The following NSG1 variants were observed in gnomAD, a reference collection of about 807,000 sequenced individuals.
The protein encoded by NSG1 is neuronal vesicle trafficking-associated protein 1.
A neutral mutation model predicts 19.3 loss-of-function variants in NSG1; 9 were observed. The observed-to-expected ratio is 0.47, with a 90% confidence interval of 0.28 to 0.81. NSG1 has a LOEUF of 0.81. Among genes scored for constraint, NSG1 ranks in the 40% least tolerant of loss-of-function variants. The probability of loss-of-function intolerance (pLI) is 0.11; values close to 1 mark genes in which losing one functional copy is unlikely to be tolerated. For missense variants in NSG1, 236 were observed against 242.4 expected, an observed-to-expected ratio of 0.97 and a Z score of 0.18; for synonymous variants, 104 against 107.0, an observed-to-expected ratio of 0.97 and a Z score of 0.17.
chr4:4,414,453 C>G (rs1300384364), intron 4 of NSG1, among the ~76,000 whole-genome samples: 2 of 151,958 alleles, frequency 1.3e-5, no homozygotes, highest in Non-Finnish European at 2.9e-5. Flanking sequence ...GAGAAGGCAC[C>G]TAGGAAGGCC....
rs377073446 is a variant in NSG1, at chr4:4,410,237, G to T, written c.357+554G>T. Among the ~76,000 whole-genome samples, 21 of 152,314 alleles carry T rather than the reference G, an allele frequency of 1.4e-4. No individual in the cohort carries two copies. The East Asian group carries it at 2.7e-3, about 20-fold the overall frequency. ...CCACACTGGTGCTGGGCTCTCTACAGGCATGGAAATGCTCGCTTTGCATAT... is the reference window on the plus strand; with the variant it reads ...CCACACTGGTGCTGGGCTCTCTACATGCATGGAAATGCTCGCTTTGCATAT... On this transcript the variant is annotated intron_variant, in intron 4 of 4. Transcript: ENST00000621129.
In NSG1 at chr4:4,399,644, T is replaced by G. The variant is rs140822478; in HGVS notation, c.246+8053T>G. 1.1e-3 allele frequency among the ~76,000 whole-genome samples: 161 copies of G among 152,376 alleles called. 1 individual carries two copies. In the East Asian group the frequency reaches 0.027, roughly 25 times the overall value. On this transcript the variant is annotated intron_variant, in intron 3 of 4. Coordinates refer to ENST00000621129, the MANE Select transcript of NSG1 (RefSeq NM_014392.5). ...TACATTTTTGGTGAAGTATCATTTATTTTTTCTTCTATTGCTTGTATTTTT... is the reference window on the plus strand; with the variant it reads ...TACATTTTTGGTGAAGTATCATTTAGTTTTTCTTCTATTGCTTGTATTTTT...
chr4:4,418,749 T>G lies in NSG1; in HGVS notation c.*1314T>G, dbSNP rs1335772316. On this transcript the variant is annotated 3_prime_UTR_variant, in exon 5 of 5. Coordinates refer to ENST00000621129, the MANE Select transcript of NSG1 (RefSeq NM_014392.5). ...AGCGCCACTCTTGTTTCCTGAAATGTGCTTCTAAGACAGAAAATGTATTTT... is the reference window on the plus strand; with the variant it reads ...AGCGCCACTCTTGTTTCCTGAAATGGGCTTCTAAGACAGAAAATGTATTTT... 1 of 152,648 alleles carries G rather than the reference T, an allele frequency of 6.6e-6. No individual in the cohort carries two copies. Among genetic ancestry groups the G allele is most frequent in the Non-Finnish European group, 1.5e-5 (1 of 68,036 alleles). The allele number at this position is 152,648 out of a possible 1,614,324, so 9.5% of individuals were successfully genotyped here.
intron 3 of NSG1, among the ~76,000 whole-genome samples, chr4:4,398,717 A>T (rs1371210829): frequency 3.3e-5 from 5 of 152,172 alleles, no homozygotes; most frequent in African/African-American, 4.8e-5. Flanking sequence ...TTGTTTCCAC[A>T]TTTGGGCTGT....
Position 4,402,382 on chromosome 4 carries a change from T to A in NSG1, c.247-7191T>A, listed in dbSNP as rs1347694243. On this transcript the variant is annotated intron_variant, in intron 3 of 4. Coordinates refer to ENST00000621129, the MANE Select transcript of NSG1 (RefSeq NM_014392.5). ...CACCACGCCTGGTTATTTTTTTTTT[T>A]TTTTTTTTTTTTTTTTTTTTTTTGA... Among the ~76,000 whole-genome samples the A allele has an allele frequency of 4.6e-5, 4 of 87,390 alleles. No individual in the cohort carries two copies. In the South Asian group the frequency reaches 1.1e-3, roughly 24 times the overall value. The allele number at this position is 87,390 out of a possible 152,430, so 57.3% of individuals were successfully genotyped here. A position where few individuals can be genotyped will look rare whatever the true frequency, so the allele number is the denominator to read the frequency against.
At chr4:4,388,767 G>A (rs950140691) in intron 2 of NSG1, among the ~76,000 whole-genome samples, 1 of 152,210 alleles carries the variant, frequency 6.6e-6, no homozygotes, top group Non-Finnish European at 1.5e-5. Flanking sequence ...CCTGGTGGGG[G>A]CCCTGACCCC....
intron 4 of NSG1, among the ~76,000 whole-genome samples, chr4:4,413,390 CAT>C (rs1331323213): frequency 4.6e-5 from 7 of 151,448 alleles, no homozygotes; most frequent in Admixed American, 2.0e-4. Flanking sequence ...CCCTTTCACT[CAT>C]GTTTTATTCA....
At chr4:4,392,661 T>C (rs531161354) in intron 3 of NSG1, among the ~76,000 whole-genome samples, 1 of 152,296 alleles carries the variant, frequency 6.6e-6, no homozygotes, top group South Asian at 2.1e-4. Flanking sequence ...AGTCCCTCCT[T>C]CTTCCCGTTG....
At chr4:4,412,702 C>CT (rs374813473) in intron 4 of NSG1, among the ~76,000 whole-genome samples, 19 of 152,352 alleles carry the variant, frequency 1.2e-4, no homozygotes, top group Non-Finnish European at 2.5e-4. Flanking sequence ...AATCCATACA[C>CT]TCGGTAGCTG....
At chr4:4,387,862 G>C (rs902875904) in intron 2 of NSG1, 104 bp downstream of exon 2, 24 of 990,978 alleles carry the variant, frequency 2.4e-5, no homozygotes, top group Non-Finnish European at 3.6e-5. Flanking sequence ...TACGCGAAGT[G>C]GGGGCGGGCT....
At chr4:4,394,706 C>G (rs1348512866) in intron 3 of NSG1, among the ~76,000 whole-genome samples, 1 of 152,378 alleles carries the variant, frequency 6.6e-6, no homozygotes, top group East Asian at 1.9e-4. Context: ...TATCATCTCT[C>G]TGGCGCTTCT....
intron 4 of NSG1, among the ~76,000 whole-genome samples, chr4:4,415,089 C>G (rs1577297880): frequency 6.6e-6 from 1 of 151,792 alleles, no homozygotes; most frequent in Admixed American, 6.6e-5. Flanking sequence ...TTCATGTAGA[C>G]AGGTTACACG....
chr4:4,404,541 A>T (rs144744519), intron 3 of NSG1, among the ~76,000 whole-genome samples: 1 of 152,238 alleles, frequency 6.6e-6, no homozygotes, highest in Non-Finnish European at 1.5e-5. Flanking sequence ...TCGTCCATCA[A>T]GTATTTTCAA....
intron 4 of NSG1, among the ~76,000 whole-genome samples, chr4:4,416,864 C>T (rs1295776042): frequency 6.6e-6 from 1 of 152,194 alleles, no homozygotes; most frequent in Non-Finnish European, 1.5e-5. Flanking sequence ...CTTCTCACTT[C>T]CCTTCCGTCC....
At chr4:4,408,724 T>G (rs1037786060) in intron 3 of NSG1, among the ~76,000 whole-genome samples, 1 of 151,108 alleles carries the variant, frequency 6.6e-6, no homozygotes, top group East Asian at 1.9e-4. Flanking sequence ...CATCCCAAAG[T>G]GCTGGGATTA....
At chr4:4,402,859 G>A (rs1357950008) in intron 3 of NSG1, among the ~76,000 whole-genome samples, 2 of 152,232 alleles carry the variant, frequency 1.3e-5, no homozygotes, top group African/African-American at 4.8e-5. Context: ...GGAGAAGCCA[G>A]GCATGGGAAT....
In NSG1 at chr4:4,406,508, A is replaced by G. The variant is rs1270348768; in HGVS notation, c.247-3065A>G. ...CTGCAGTGTAGACTTGGAGAAAGGC[A>G]GGTAGCTGGAGCCCGGGCAGGCTGG... On this transcript the variant is annotated intron_variant, in intron 3 of 4. Coordinates refer to ENST00000621129, the MANE Select transcript of NSG1 (RefSeq NM_014392.5). Among the ~76,000 whole-genome samples the G allele has an allele frequency of 2.6e-5, 4 of 152,080 alleles. No homozygotes were observed. The East Asian group carries it at 7.7e-4, about 29-fold the overall frequency.
chr4:4,394,394 T>A (rs1723144446), intron 3 of NSG1, among the ~76,000 whole-genome samples: 1 of 152,158 alleles, frequency 6.6e-6, no homozygotes, highest in Non-Finnish European at 1.5e-5. Context: ...TTTTCTCTTG[T>A]GTCTTTCTGA....
rs778771810 is a variant in NSG1, at chr4:4,416,756, C to T, written c.358-479C>T. On this transcript the variant is annotated intron_variant, in intron 4 of 4. Coordinates refer to ENST00000621129, the MANE Select transcript of NSG1 (RefSeq NM_014392.5). ...TGTGTGCCTCTTCTGACTCCCGCCC[C>T]AAGGCCCCTCTCTGCTCTGGTTTCC... Among the ~76,000 whole-genome samples the T allele has an allele frequency of 6.4e-4, 97 of 152,168 alleles. 1 individual carries two copies. The highest frequency in any genetic ancestry group is 6.5e-4 in the Admixed American group (10 of 15,274).
Sources: allele counts gnomAD v4.1 joint callset (sites outside exome capture counted in the v4.1 genomes callset), GRCh38; gene constraint gnomAD v4.1.1; transcripts MANE v1.5; gene names NCBI Gene and HGNC (gene_info 2026-07-23, HGNC 2026-07-21).